The following NXPH1 variants were observed in gnomAD, a reference collection of about 807,000 sequenced individuals.
NXPH1 encodes the protein neurexophilin-1.
Under a neutral mutation model 23.7 loss-of-function variants are expected in NXPH1, and 5 were observed. The ratio of observed to expected loss-of-function variants is 0.21; its 90% CI spans 0.11 to 0.44. The LOEUF is 0.44. Among genes scored for constraint, NXPH1 ranks in the 20% least tolerant of loss-of-function variants. The pLI is 0.99. For missense variants in NXPH1, 324 were observed against 321.6 expected, an observed-to-expected ratio of 1.01 and a Z score of -0.06; for synonymous variants, 144 against 122.2, an observed-to-expected ratio of 1.18 and a Z score of -1.18.
At chr7:8,693,237 T>C (rs17153994) in intron 2 of NXPH1, among the ~76,000 whole-genome samples, 59,271 of 151,970 alleles carry the variant, frequency 0.39, 11,883 homozygotes, top group East Asian at 0.45. Flanking sequence ...CAGGTCAATA[T>C]TTGGTAGTAA....
At chr7:8,443,444 C>A (rs1355906260) in intron 2 of NXPH1, among the ~76,000 whole-genome samples, 1 of 152,268 alleles carries the variant, frequency 6.6e-6, no homozygotes, top group East Asian at 1.9e-4. Flanking sequence ...ACTGAGGCAA[C>A]CAACTTATTC....
intron 2 of NXPH1, among the ~76,000 whole-genome samples, chr7:8,657,392 A>G (rs1231188647): frequency 2.0e-5 from 3 of 152,180 alleles, no homozygotes; most frequent in African/African-American, 7.2e-5. Flanking sequence ...TATTTTTGAT[A>G]ATTCCTGTAT....
intron 2 of NXPH1, among the ~76,000 whole-genome samples, chr7:8,710,257 C>A (rs1403061639): frequency 6.6e-6 from 1 of 152,184 alleles, no homozygotes; most frequent in Non-Finnish European, 1.5e-5. Flanking sequence ...CTTCCTGATT[C>A]CACACTGTTC....
intron 2 of NXPH1, among the ~76,000 whole-genome samples, chr7:8,507,448 C>T (rs141067376): frequency 6.7e-6 from 1 of 149,412 alleles, no homozygotes; most frequent in Non-Finnish European, 1.5e-5. Context: ...ATGAGCTATA[C>T]TATTATTATC....
intron 2 of NXPH1, among the ~76,000 whole-genome samples, chr7:8,490,014 A>G (rs562569539): frequency 6.6e-6 from 1 of 152,194 alleles, no homozygotes; most frequent in East Asian, 1.9e-4. Context: ...CTTCAGTGGA[A>G]AAGCCAGAGG....
chr7:8,662,802 T>A (rs11765137), intron 2 of NXPH1, among the ~76,000 whole-genome samples: 96,413 of 151,902 alleles, frequency 0.63, 31,505 homozygotes, highest in Middle Eastern at 0.76. Flanking sequence ...CCATAGTTTG[T>A]GATATTTGTG....
chr7:8,696,840 C>CAAAAA lies in NXPH1; in HGVS notation c.55-54155_55-54151dup, dbSNP rs3059126. 1.3e-3 allele frequency among the ~76,000 whole-genome samples: 129 copies of CAAAAA among 96,974 alleles called. 5 individuals are homozygous for CAAAAA. Among genetic ancestry groups the CAAAAA allele is most frequent in the Middle Eastern group, 6.6e-3 (1 of 152 alleles). 63.6% of individuals were successfully genotyped at this position (96,974 alleles called of 152,430 possible). On this transcript the variant is annotated intron_variant, in intron 2 of 2. Coordinates refer to ENST00000405863, the MANE Select transcript of NXPH1 (RefSeq NM_152745.3). ...TGGGTGACAGAGCAAGACTCCCTCT[C>CAAAAA]AAAAAAAAAAAAAAAAAGTGAGGCC...
intron 2 of NXPH1, among the ~76,000 whole-genome samples, chr7:8,602,135 A>G (rs914342107): frequency 2.6e-5 from 4 of 152,246 alleles, no homozygotes; most frequent in Non-Finnish European, 4.4e-5. Flanking sequence ...GAAAATGCCA[A>G]TAGGCAAGAG....
At chr7:8,540,281 C>T (rs1818093428) in intron 2 of NXPH1, among the ~76,000 whole-genome samples, 1 of 151,766 alleles carries the variant, frequency 6.6e-6, no homozygotes, top group South Asian at 2.1e-4. Flanking sequence ...AAGTAATCCA[C>T]TTGAACTGGG....
chr7:8,609,278 G>T (rs936679711), intron 2 of NXPH1, among the ~76,000 whole-genome samples: 1 of 152,126 alleles, frequency 6.6e-6, no homozygotes, highest in African/African-American at 2.4e-5. Context: ...CATTTTAGAC[G>T]ATTCTTTAAC....
chr7:8,572,737 CTT>C (rs1818673097), intron 2 of NXPH1, among the ~76,000 whole-genome samples: 1 of 151,688 alleles, frequency 6.6e-6, no homozygotes, highest in African/African-American at 2.4e-5. Context: ...AATTTTAAGA[CTT>C]GGGTATATAT....
chr7:8,687,897 G>C (rs1215993849), intron 2 of NXPH1, among the ~76,000 whole-genome samples: 1 of 152,080 alleles, frequency 6.6e-6, no homozygotes, highest in Non-Finnish European at 1.5e-5. Context: ...TAATATATTT[G>C]AAAATCAGGA....
chr7:8,653,892 C>T (rs748336546), intron 2 of NXPH1, among the ~76,000 whole-genome samples: 6 of 152,178 alleles, frequency 3.9e-5, no homozygotes, highest in Admixed American at 1.3e-4. Context: ...CATACTTTTG[C>T]ATGGCTAGGG....
At chr7:8,523,965 C>T (rs952241842) in intron 2 of NXPH1, among the ~76,000 whole-genome samples, 9 of 152,080 alleles carry the variant, frequency 5.9e-5, no homozygotes, top group African/African-American at 2.2e-4. Flanking sequence ...CTATCTTCAG[C>T]CGGGCACGGT....
chr7:8,750,354 C>A (rs970840948), intron 2 of NXPH1, among the ~76,000 whole-genome samples: 1 of 152,084 alleles, frequency 6.6e-6, no homozygotes, highest in East Asian at 1.9e-4. Context: ...AAATGGGATA[C>A]ATGTGCAGAA....
intron 2 of NXPH1, among the ~76,000 whole-genome samples, chr7:8,637,223 CTCTT>C (rs992820635): frequency 4.1e-5 from 6 of 147,612 alleles, no homozygotes; most frequent in Admixed American, 6.9e-5. Flanking sequence ...CTGGGACTGA[CTCTT>C]TTTTTTTTTT....
chr7:8,711,850 T>C (rs1400029410), intron 2 of NXPH1, among the ~76,000 whole-genome samples: 3 of 152,302 alleles, frequency 2.0e-5, no homozygotes, highest in Non-Finnish European at 2.9e-5. Context: ...AAGCCATTGT[T>C]GAAAGCAAAT....
At chr7:8,592,992 G>A (rs1429689884) in intron 2 of NXPH1, among the ~76,000 whole-genome samples, 1 of 151,860 alleles carries the variant, frequency 6.6e-6, no homozygotes. Context: ...ACAGAAGCTG[G>A]AGTCACTGGG....
chr7:8,494,341 A>G (rs896960950), intron 2 of NXPH1, among the ~76,000 whole-genome samples: 1 of 151,934 alleles, frequency 6.6e-6, no homozygotes, highest in South Asian at 2.1e-4. Context: ...ATATTTTTCA[A>G]TTTTTATCTC....
Sources: allele counts gnomAD v4.1 joint callset (sites outside exome capture counted in the v4.1 genomes callset), GRCh38; gene constraint gnomAD v4.1.1; transcripts MANE v1.5; gene names NCBI Gene and HGNC (gene_info 2026-07-23, HGNC 2026-07-21).